The following HGFAC variants were observed in gnomAD, a reference collection of about 807,000 sequenced individuals.
HGFAC encodes HGF activator, also known as hepatocyte growth factor activator serine protease.
A neutral mutation model predicts 70.6 loss-of-function variants in HGFAC; 76 were observed. That is an observed-to-expected ratio of 1.08 (90% confidence interval 0.89 to 1.30). The LOEUF (loss-of-function observed/expected upper bound fraction) is 1.30. Among genes scored for constraint, HGFAC ranks in the 50% most tolerant of loss-of-function variants. The pLI is 0.00. For missense variants in HGFAC, 1,044 were observed against 933.7 expected, an observed-to-expected ratio of 1.12 and a Z score of -1.54; for synonymous variants, 464 against 405.3, an observed-to-expected ratio of 1.14 and a Z score of -1.74.
chr4:3,443,879 C>G (rs1000485574), intron 4 of HGFAC, among the ~76,000 whole-genome samples, 160 bp from the exon 5 acceptor site: 1 of 151,974 alleles, frequency 6.6e-6, no homozygotes. Context: ...AGGTCTGTGC[C>G]CCTCCCAGGG....
rs762506806 is a variant in HGFAC, at chr4:3,447,618, C to T, written c.1482C>T (p.Ser494=). ...PYTLYSVFNP[S]DHDLVLIRLK... ...CCCTGTACTCGGTGTTCAACCCCAG[C>T]GACCACGACCTCGGTGAGCTCCGGC... Residue 494 remains serine, a synonymous_variant, in exon 11 of 14, where the codon AGC becomes AGT. Coordinates refer to ENST00000382774, the MANE Select transcript of HGFAC (RefSeq NM_001528.4). The T allele has an allele frequency of 6.8e-6, 11 of 1,612,510 alleles. No individual in the cohort carries two copies. The highest frequency in any genetic ancestry group is 1.3e-5 in the African/African-American group (1 of 74,934).
chr4:3,444,183 C>T lies in HGFAC; in HGVS notation c.598+22C>T, dbSNP rs898958951. Reference sequence around the variant, plus strand: ...ACAGGTGAGCTGGGCCTCGGAGGTCCGCAGGGGTCCAGGGGCCGGAGCAAG... The same window carrying T: ...ACAGGTGAGCTGGGCCTCGGAGGTCTGCAGGGGTCCAGGGGCCGGAGCAAG... On this transcript the variant is annotated intron_variant, in intron 5 of 13. Transcript: ENST00000382774. 35 of 1,587,838 alleles carry T rather than the reference C, an allele frequency of 2.2e-5. 1 individual carries two copies. The highest frequency in any genetic ancestry group is 5.7e-5 in the South Asian group (5 of 88,240).
Position 3,447,969 on chromosome 4 carries a change from G to A in HGFAC, c.1570G>A (p.Glu524Lys), listed in dbSNP as rs557582250. 9 of 1,592,054 alleles carry A rather than the reference G, an allele frequency of 5.7e-6. No homozygotes were observed. The South Asian group carries it at 5.7e-5, about 10-fold the overall frequency. Residue 524 changes from glutamate (E) to lysine (K), a missense_variant, in exon 12 of 14, where the codon GAG becomes AAG. Transcript: ENST00000382774. ...GTTCGTGCAGCCCATCTGCCTGCCC[G>A]AGCCCGGCAGCACCTTCCCCGCAGG... ...SQFVQPICLP[E>K]PGSTFPAGHK...
At position 3,442,925 on chromosome 4, in the gene HGFAC, G is replaced by A. The variant is rs1725363696; in HGVS notation, c.298+13G>A. ...CCCCAGGCCCAAGGTGGGTCAGGTGGGCCTGGGAGGAGGTGTCGTGCTTCA... is the reference window on the plus strand; with the variant it reads ...CCCCAGGCCCAAGGTGGGTCAGGTGAGCCTGGGAGGAGGTGTCGTGCTTCA... On this transcript the variant is annotated intron_variant, in intron 2 of 13. Transcript: ENST00000382774. 6.4e-7 allele frequency: 1 copy of A among 1,562,898 alleles called. No homozygotes were observed. The highest frequency in any genetic ancestry group is 1.7e-4 in the Middle Eastern group (1 of 5,826).
Position 3,447,507 on chromosome 4 carries a change from C to T in HGFAC, c.1371C>T (p.Ser457=), listed in dbSNP as rs551648317. The T allele has an allele frequency of 8.7e-6, 14 of 1,612,604 alleles. No individual in the cohort carries two copies. The East Asian group carries it at 2.0e-4, about 23-fold the overall frequency. The change falls in exon 11 of 14, where the codon AGC becomes AGT. Residue 457 remains serine (S), a synonymous_variant. Transcript: ENST00000382774. ...CCTTGCACAGCCCCCCCAGGGACAGCGTCTCCGTGGTGCTGGGCCAGCACT... is the reference window on the plus strand; with the variant it reads ...CCTTGCACAGCCCCCCCAGGGACAGTGTCTCCGTGGTGCTGGGCCAGCACT... ...HCFSHSPPRD[S]VSVVLGQHFF... is the part of the protein sequence containing the mutation.
chr4:3,442,857 G>A lies in HGFAC; in HGVS notation c.243G>A (p.Gly81=), dbSNP rs751150719. The change falls in exon 2 of 14, where the codon GGG becomes GGA. Residue 81 remains glycine, a synonymous_variant. Transcript: ENST00000382774. ...SAPEAEGPQS[G]GLPPPPRAVP... is the part of the protein sequence containing the mutation. ...CAGAGGCAGAGGGACCCCAAAGTGGGGGGCTCCCGCCCCCGCCCAGGGCAG... is the reference window on the plus strand; with the variant it reads ...CAGAGGCAGAGGGACCCCAAAGTGGAGGGCTCCCGCCCCCGCCCAGGGCAG... The A allele has an allele frequency of 5.1e-6, 8 of 1,578,620 alleles. No homozygotes were observed. The highest frequency in any genetic ancestry group is 2.3e-5 in the South Asian group (2 of 86,364).
chr4:3,448,200 C>T lies in HGFAC; in HGVS notation c.1709C>T (p.Pro570Leu). 6.2e-7 allele frequency: 1 copy of T among 1,606,746 alleles called. No homozygotes were observed. Among genetic ancestry groups the T allele is most frequent in the South Asian group, 1.1e-5 (1 of 90,024 alleles). Residue 570 changes from proline to leucine, a missense_variant, in exon 13 of 14, where the codon CCT becomes CTT. By Grantham distance (98) the Pro-to-Leu change is moderately conservative. Coordinates refer to ENST00000382774, the MANE Select transcript of HGFAC (RefSeq NM_001528.4). ...PLVADHKCSS[P>L]EVYGADISPN... is the part of the protein sequence containing the mutation. ...GTCGCCGACCACAAGTGCAGCAGCC[C>T]TGAGGTCTACGGCGCCGACATCAGC...
rs1392622719 is a variant in HGFAC, at chr4:3,443,381, G to A, written c.436G>A (p.Gly146Ser). 1.3e-6 allele frequency: 2 copies of A among 1,525,846 alleles called. No individual in the cohort carries two copies. Among genetic ancestry groups the A allele is most frequent in the Non-Finnish European group, 1.8e-6 (2 of 1,135,256 alleles). 94.5% of individuals were successfully genotyped at this position (1,525,846 alleles called of 1,614,324 possible). The part of the protein sequence containing the change: ...THNYDRDRAW[G>S]YCVEATPPPG... ...CAACTACGACCGGGACAGGGCCTGG[G>A]GCTACTGTGTGGAGGCCACCCCGCC... is the stretch of plus-strand genomic sequence containing the variant. Residue 146 changes from glycine to serine, a missense_variant, in exon 4 of 14, where the codon GGC (glycine) becomes AGC (serine). Physicochemically the swap from Gly to Ser is moderately conservative, Grantham distance 56. Transcript: ENST00000382774.
intron 13 of HGFAC, 131 bp downstream of exon 13, chr4:3,448,407 C>T: frequency 8.8e-7 from 1 of 1,135,328 alleles, no homozygotes; most frequent in South Asian, 1.5e-5. Context: ...CCAGGGACCC[C>T]TGGGCAGGGA....
At position 3,444,163 on chromosome 4, in the gene HGFAC, T is replaced by A; in HGVS notation, c.598+2T>A. 3 of 1,604,152 alleles carry A rather than the reference T, an allele frequency of 1.9e-6. No individual in the cohort carries two copies. Among genetic ancestry groups the A allele is most frequent in the Non-Finnish European group, 2.6e-6 (3 of 1,176,244 alleles). ...TCACCGGCAAGGACTGCGGCACAGGTGAGCTGGGCCTCGGAGGTCCGCAGG... is the reference window on the plus strand; with the variant it reads ...TCACCGGCAAGGACTGCGGCACAGGAGAGCTGGGCCTCGGAGGTCCGCAGG... On this transcript the variant is annotated splice_donor_variant, in intron 5 of 13. Transcript: ENST00000382774. LOFTEE classifies it high-confidence loss of function.
In HGFAC at chr4:3,447,648, C is replaced by G; in HGVS notation, c.1495+17C>G. ...ACGACCTCGGTGAGCTCCGGCGTGT[C>G]GTGGCTGCACTCTGGGCAGGTGGGC... On this transcript the variant is annotated intron_variant, in intron 11 of 13. Transcript: ENST00000382774. 2 of 1,611,696 alleles carry G rather than the reference C, an allele frequency of 1.2e-6. No individual in the cohort carries two copies. Among genetic ancestry groups the G allele is most frequent in the Non-Finnish European group, 1.7e-6 (2 of 1,179,188 alleles).
chr4:3,442,981 C>T (rs554470896), intron 2 of HGFAC, 69 bp downstream of exon 2: 58 of 1,540,626 alleles, frequency 3.8e-5, no homozygotes, highest in South Asian at 2.9e-4. Context: ...AGCATGGCTG[C>T]GGCTGGAGGT....
At chr4:3,442,336 G>T (rs1560190905) in intron 1 of HGFAC, among the ~76,000 whole-genome samples, 1 of 152,178 alleles carries the variant, frequency 6.6e-6, no homozygotes. Context: ...CCACCTGGGG[G>T]CTGTCATCCC....
At position 3,442,115 on chromosome 4, in the gene HGFAC, C is replaced by T. The variant is rs760528870; in HGVS notation, c.114C>T (p.Gly38=). The T allele has an allele frequency of 3.0e-5, 47 of 1,558,138 alleles. No homozygotes were observed. Among genetic ancestry groups the T allele is most frequent in the African/African-American group, 4.2e-5 (3 of 71,636 alleles). Residue 38 remains glycine, a synonymous_variant, in exon 1 of 14, where the codon GGC becomes GGT. Coordinates refer to ENST00000382774, the MANE Select transcript of HGFAC (RefSeq NM_001528.4). The stretch of plus-strand genomic sequence containing the variant: ...CACGGGGGTTCCAGCCCCAGCCTGG[C>T]GGGGTGAGCACTGACCTTGTCGCAG... ...LLPRGFQPQP[G]GNRTESPEPN...
In HGFAC at chr4:3,445,287, C is replaced by T; in HGVS notation, c.1039C>T (p.Pro347Ser). The change falls in exon 9 of 14, where the codon CCC (proline) becomes TCC (serine). Residue 347 changes from proline to serine, a missense_variant. Transcript: ENST00000382774. ...CAGGAATCCGGACAATGACGAGAGG[C>T]CCTGGTGCTACGTGGTGAAGGACAG... Reference protein sequence around the residue: ...YCRNPDNDERPWCYVVKDSAL... With the variant: ...YCRNPDNDERSWCYVVKDSAL... The T allele has an allele frequency of 6.3e-7, 1 of 1,586,562 alleles. No homozygotes were observed. Among genetic ancestry groups the T allele is most frequent in the Non-Finnish European group, 8.6e-7 (1 of 1,167,466 alleles).
At position 3,447,579 on chromosome 4, in the gene HGFAC, G is replaced by A. The variant is rs780276090; in HGVS notation, c.1443G>A (p.Lys481=). ...TDVTQTFGIE[K]YIPYTLYSVF... ...TGACGCAGACCTTCGGCATCGAGAA[G>A]TACATCCCGTACACCCTGTACTCGG... Residue 481 remains lysine, a synonymous_variant, in exon 11 of 14, where the codon AAG becomes AAA. Transcript: ENST00000382774. 6.2e-7 allele frequency: 1 copy of A among 1,612,708 alleles called. No individual in the cohort carries two copies. The highest frequency in any genetic ancestry group is 8.5e-7 in the Non-Finnish European group (1 of 1,179,918).
At chr4:3,448,358 A>G (rs1725605174) in intron 13 of HGFAC, 82 bp downstream of exon 13, 1 of 1,500,334 alleles carries the variant, frequency 6.7e-7, no homozygotes, top group African/African-American at 1.4e-5. Context: ...GCCCCTGGGG[A>G]GCCCAGAGCC....
rs370129244 is a variant in HGFAC, at chr4:3,448,244, G to T, written c.1753G>T (p.Gly585Cys). ...CATCAGCCCCAACATGCTCTGTGCC[G>T]GCTACTTCGACTGCAAGTCCGACGC... ...ADISPNMLCA[G>C]YFDCKSDACQ... Residue 585 changes from glycine to cysteine, a missense_variant, in exon 13 of 14, where the codon GGC (glycine) becomes TGC (cysteine). Transcript: ENST00000382774. 2.5e-6 allele frequency: 4 copies of T among 1,607,348 alleles called. No individual in the cohort carries two copies. In the South Asian group the frequency reaches 3.3e-5, roughly 13 times the overall value.
intron 1 of HGFAC, among the ~76,000 whole-genome samples, 200 bp from the exon 2 acceptor site, chr4:3,442,532 G>A (rs1011324557): frequency 2.4e-4 from 36 of 152,190 alleles, no homozygotes; most frequent in African/African-American, 8.2e-4. Flanking sequence ...GTGACCCTGA[G>A]CAGGTGTTAA....
Sources: gnomAD v4.1 joint callset for allele counts (sites outside exome capture counted in the v4.1 genomes callset) on GRCh38, gnomAD v4.1.1 for gene constraint, MANE v1.5 for transcripts, NCBI Gene and HGNC (gene_info 2026-07-23, HGNC 2026-07-21) for gene names.